IL13RA2: variants seen among roughly 807,000 people sequenced by gnomAD.
IL13RA2 encodes interleukin 13 receptor subunit alpha 2, also known as interleukin-13 receptor subunit alpha-2.
A neutral mutation model predicts 34.1 loss-of-function variants in IL13RA2; 25 were observed. The ratio of observed to expected loss-of-function variants is 0.73; its 90% CI spans 0.53 to 1.03. The LOEUF (loss-of-function observed/expected upper bound fraction) is 1.03. IL13RA2 is among the 50% of genes least tolerant of loss of function. The probability of loss-of-function intolerance (pLI) is 0.00; values close to 1 mark genes in which losing one functional copy is unlikely to be tolerated. For synonymous variants in IL13RA2, 106 were observed against 100.4 expected (o/e 1.06, Z -0.33); for missense variants, 297 against 280.9 (o/e 1.06, Z -0.41).
chrX:115,015,894 C>A, intron 2 of IL13RA2, 73 bp from the exon 3 acceptor site: 1 of 675,100 alleles, frequency 1.5e-6, no homozygotes, highest in East Asian at 3.5e-5. Flanking sequence ...TAGATGGCTT[C>A]CAAATGTGCA....
At chrX:115,017,485 G>A in intron 1 of IL13RA2, 68 bp downstream of exon 1, 1 of 334,431 alleles carries the variant, frequency 3.0e-6, no homozygotes, top group Non-Finnish European at 5.2e-6. Context: ...TGGAAAGAAA[G>A]GATTCTAGTC....
intron 1 of IL13RA2, 26 bp downstream of exon 1, chrX:115,017,527 A>G: frequency 3.7e-6 from 1 of 271,710 alleles, no homozygotes; most frequent in Non-Finnish European, 6.4e-6. Flanking sequence ...AAACAAAGCT[A>G]AGCAAAAACC....
intron 5 of IL13RA2, among the ~76,000 whole-genome samples, chrX:115,013,164 T>C (rs2071712997): frequency 1.8e-5 from 2 of 109,322 alleles, no homozygotes; most frequent in African/African-American, 3.3e-5. Context: ...AGGGGAGAGA[T>C]TGGAAGGGGA....
In IL13RA2 at chrX:115,015,771, G is replaced by C. The variant is rs781918949; in HGVS notation, c.145C>G (p.Leu49Val). Residue 49 changes from leucine (L) to valine (V), a missense_variant, in exon 3 of 10, where the codon CTC becomes GTC. Physicochemically the swap from Leu to Val is conservative, Grantham distance 32. Transcript: ENST00000243213. ...AGTGGGGGTTGCCATTGCAAATAGA[G>C]ATAACCTAAGTATCCGGGATCCACT... ...EIVDPGYLGY[L>V]YLQWQPPLSL... The C allele has an allele frequency of 1.7e-6, 2 of 1,187,150 alleles. No individual in the cohort carries two copies. The highest frequency in any genetic ancestry group is 4.4e-5 in the Admixed American group (2 of 45,944).
intron 4 of IL13RA2, 142 bp from the exon 5 acceptor site, chrX:115,014,031 T>C: frequency 1.9e-6 from 1 of 531,832 alleles, no homozygotes; most frequent in Non-Finnish European, 3.2e-6. Context: ...AAAAGGAAGT[T>C]ACTGGGAATC....
In IL13RA2 at chrX:115,007,915, G is replaced by C. The variant is rs5987841; in HGVS notation, c.997+17C>G. ...GCAAAGAGCTCATTATTTAGTTACTGTCCTTTTAGCTCATACCTTCCCAGC... is the reference window on the plus strand; with the variant it reads ...GCAAAGAGCTCATTATTTAGTTACTCTCCTTTTAGCTCATACCTTCCCAGC... On this transcript the variant is annotated intron_variant, in intron 8 of 9. Transcript: ENST00000243213. 0.014 allele frequency: 14,384 copies of C among 1,007,714 alleles called. 1,202 individuals are homozygous for C. The African/African-American group carries it at 0.24, about 17-fold the overall frequency. The allele number at this position is 1,007,714 out of a possible 1,213,427, so 83.0% of individuals were successfully genotyped here.
intron 8 of IL13RA2, among the ~76,000 whole-genome samples, chrX:115,005,863 T>G (rs2071683393): frequency 8.9e-6 from 1 of 112,277 alleles, no homozygotes; most frequent in African/African-American, 3.2e-5. Context: ...TTGATTTTGC[T>G]TTGTTAGTTT....
chrX:115,004,024 T>C lies in IL13RA2; in HGVS notation c.*56A>G. Reference sequence around the variant, plus strand: ...GTTTATTGAGACTCATATTGAACATTTGGCCATGACTGGAAACTGTTGAGT... The same window carrying C: ...GTTTATTGAGACTCATATTGAACATCTGGCCATGACTGGAAACTGTTGAGT... On this transcript the variant is annotated 3_prime_UTR_variant, in exon 10 of 10. Coordinates refer to ENST00000243213, the MANE Select transcript of IL13RA2 (RefSeq NM_000640.3). The C allele has an allele frequency of 1.5e-6, 1 of 675,934 alleles. No homozygotes were observed. The allele number at this position is 675,934 out of a possible 1,213,427, so 55.7% of individuals were successfully genotyped here.
intron 5 of IL13RA2, among the ~76,000 whole-genome samples, chrX:115,011,420 T>A (rs1556508746): frequency 8.9e-6 from 1 of 112,070 alleles, no homozygotes; most frequent in Non-Finnish European, 1.9e-5. Flanking sequence ...TGAGAAATGT[T>A]ACCATATCAT....
intron 6 of IL13RA2, 74 bp from the exon 7 acceptor site, chrX:115,009,740 G>A (rs1360576753): frequency 1.3e-5 from 12 of 922,343 alleles, no homozygotes; most frequent in Non-Finnish European, 1.9e-5. Context: ...CAAAGCTAGG[G>A]ACATCTGGTA....
intron 5 of IL13RA2, among the ~76,000 whole-genome samples, chrX:115,012,044 A>C (rs1215959377): frequency 8.9e-6 from 1 of 112,467 alleles, no homozygotes; most frequent in African/African-American, 3.2e-5. Context: ...AGAAAAAATT[A>C]CTTGCCCAAG....
At position 115,017,303 on chromosome X, in the gene IL13RA2, C is replaced by T. The variant is rs1556510414; in HGVS notation, c.-33-1G>A. Reference sequence around the variant, plus strand: ...GATTTAAAACCTTGATATTGCCTCTCTATGAAGGAAAAATATAACATTTTA... The same window carrying T: ...GATTTAAAACCTTGATATTGCCTCTTTATGAAGGAAAAATATAACATTTTA... On this transcript the variant is annotated splice_acceptor_variant, in intron 1 of 9. Transcript: ENST00000243213. LOFTEE classifies it low-confidence loss of function (5UTR_SPLICE). 1.6e-6 allele frequency: 1 copy of T among 617,346 alleles called. No homozygotes were observed. The highest frequency in any genetic ancestry group is 2.8e-6 in the Non-Finnish European group (1 of 361,340). The allele number at this position is 617,346 out of a possible 1,213,427, so 50.9% of individuals were successfully genotyped here.
intron 7 of IL13RA2, among the ~76,000 whole-genome samples, chrX:115,009,189 A>G (rs925285054): frequency 9.4e-6 from 1 of 106,642 alleles, no homozygotes; most frequent in Non-Finnish European, 1.9e-5. Flanking sequence ...TTGTTCCTCA[A>G]TAAGTGGTCT....
At chrX:115,015,275 G>A (rs895834188) in intron 3 of IL13RA2, among the ~76,000 whole-genome samples, 12 of 111,267 alleles carry the variant, frequency 1.1e-4, no homozygotes, top group Non-Finnish European at 2.3e-4. Flanking sequence ...ACCCTCTGTG[G>A]GAAGGGTACA....
intron 2 of IL13RA2, among the ~76,000 whole-genome samples, chrX:115,016,472 A>G (rs1180144310): frequency 9.1e-6 from 1 of 109,533 alleles, no homozygotes; most frequent in African/African-American, 3.3e-5. Context: ...AAAAAATTCA[A>G]TGTGGCTTTA....
At chrX:115,007,295 T>C (rs2071689066) in intron 8 of IL13RA2, among the ~76,000 whole-genome samples, 1 of 112,187 alleles carries the variant, frequency 8.9e-6, no homozygotes, top group Non-Finnish European at 1.9e-5. Context: ...GCTGCATCTA[T>C]ATCTATGTAC....
At chrX:115,005,388 T>G in intron 8 of IL13RA2, 73 bp from the exon 9 acceptor site, 1 of 589,777 alleles carries the variant, frequency 1.7e-6, no homozygotes, top group Non-Finnish European at 3.0e-6. Context: ...AATTATTTTA[T>G]AAATACTTCA....
intron 4 of IL13RA2, 123 bp downstream of exon 4, chrX:115,014,298 T>A: frequency 1.9e-6 from 1 of 524,035 alleles, no homozygotes; most frequent in Admixed American, 3.4e-5. Context: ...AGAAAGATTC[T>A]ATTTTGTGCC....
chrX:115,006,845 T>A (rs2071687322), intron 8 of IL13RA2, among the ~76,000 whole-genome samples: 1 of 112,222 alleles, frequency 8.9e-6, no homozygotes, highest in East Asian at 2.8e-4. Context: ...CGAGATATAG[T>A]TCAGGACATA....
Sources: allele counts gnomAD v4.1 joint callset (sites outside exome capture counted in the v4.1 genomes callset), GRCh38; gene constraint gnomAD v4.1.1; transcripts MANE v1.5; gene names NCBI Gene and HGNC (gene_info 2026-07-23, HGNC 2026-07-21).